LRMDA: variants seen among roughly 807,000 people sequenced by gnomAD.
LRMDA encodes leucine-rich melanocyte differentiation-associated protein.
In LRMDA, 18 loss-of-function variants were observed where a neutral mutation model predicts 29.8. That is an observed-to-expected ratio of 0.60 (90% CI 0.42 to 0.90). The LOEUF is 0.90. Among genes scored for constraint, LRMDA ranks in the 40% least tolerant of loss-of-function variants. The probability of loss-of-function intolerance (pLI) is 0.00; values close to 1 mark genes in which losing one functional copy is unlikely to be tolerated. For missense variants in LRMDA, 273 were observed against 273.9 expected, an observed-to-expected ratio of 1.00 and a Z score of 0.02; for synonymous variants, 125 against 109.4, an observed-to-expected ratio of 1.14 and a Z score of -0.89.
chr10:76,355,531 C>T (rs1051158007), intron 6 of LRMDA, among the ~76,000 whole-genome samples: 4 of 152,110 alleles, frequency 2.6e-5, no homozygotes, highest in Admixed American at 2.0e-4. Context: ...ACAAAGGACA[C>T]GTGTGTGTTA....
intron 5 of LRMDA, among the ~76,000 whole-genome samples, chr10:76,166,445 T>G (rs1477572597): frequency 6.6e-6 from 1 of 152,182 alleles, no homozygotes; most frequent in Non-Finnish European, 1.5e-5. Context: ...ATTAGTTACT[T>G]CTCCTGATCC....
intron 6 of LRMDA, among the ~76,000 whole-genome samples, chr10:76,515,306 T>C (rs1843048792): frequency 6.6e-6 from 1 of 152,182 alleles, no homozygotes; most frequent in Non-Finnish European, 1.5e-5. Flanking sequence ...TTCAGCTAAA[T>C]GTCTAGAAAA....
At chr10:75,521,491 C>A (rs182879224) in intron 2 of LRMDA, among the ~76,000 whole-genome samples, 1 of 152,182 alleles carries the variant, frequency 6.6e-6, no homozygotes, top group Admixed American at 6.5e-5. Context: ...GAGCAAGGCT[C>A]CGTGGGCGTG....
At chr10:75,952,296 G>A (rs1392416450) in intron 2 of LRMDA, among the ~76,000 whole-genome samples, 1 of 152,146 alleles carries the variant, frequency 6.6e-6, no homozygotes, top group Non-Finnish European at 1.5e-5. Context: ...ATATTGATTG[G>A]CAGTACAGTT....
Position 76,050,254 on chromosome 10 carries a change from C to T in LRMDA, c.398+2951C>T, listed in dbSNP as rs966098451. Among the ~76,000 whole-genome samples, 4 of 152,224 alleles carry T rather than the reference C, an allele frequency of 2.6e-5. No homozygotes were observed. The East Asian group carries it at 7.7e-4, about 29-fold the overall frequency. ...CGATTTATGTAGTTATTGGAAATGG[C>T]ATCACAGAGCTTGAGTTTCTGTGGA... On this transcript the variant is annotated intron_variant, in intron 4 of 6. Coordinates refer to ENST00000611255, the MANE Select transcript of LRMDA (RefSeq NM_001305581.2).
intron 2 of LRMDA, among the ~76,000 whole-genome samples, chr10:75,771,827 A>G (rs972233458): frequency 6.6e-6 from 1 of 152,074 alleles, no homozygotes; most frequent in African/African-American, 2.4e-5. Context: ...GGTGTGGGAA[A>G]GGCAGGTTGG....
chr10:76,426,225 T>A (rs1473478406), intron 6 of LRMDA, among the ~76,000 whole-genome samples: 2 of 152,276 alleles, frequency 1.3e-5, no homozygotes, highest in East Asian at 1.9e-4. Flanking sequence ...ATCAACAGTT[T>A]AAAGTGTTCC....
At chr10:76,423,797 C>A (rs1842094453) in intron 6 of LRMDA, among the ~76,000 whole-genome samples, 1 of 152,012 alleles carries the variant, frequency 6.6e-6, no homozygotes, top group African/African-American at 2.4e-5. Flanking sequence ...AACGGTGGAC[C>A]CTAATCAACC....
chr10:75,786,805 T>C (rs929079366), intron 2 of LRMDA, among the ~76,000 whole-genome samples: 2 of 152,218 alleles, frequency 1.3e-5, no homozygotes, highest in African/African-American at 4.8e-5. Context: ...TCTTTAAGAA[T>C]AGGGACCTAT....
chr10:75,724,317 A>G (rs1196269734), intron 2 of LRMDA, among the ~76,000 whole-genome samples: 1 of 152,252 alleles, frequency 6.6e-6, no homozygotes, highest in African/African-American at 2.4e-5. Context: ...GAGTGCCAGC[A>G]AAACAGGGCT....
intron 2 of LRMDA, among the ~76,000 whole-genome samples, chr10:76,015,443 C>T (rs967510622): frequency 7.2e-5 from 11 of 152,174 alleles, no homozygotes; most frequent in African/African-American, 1.2e-4. Context: ...AGACCTACCT[C>T]GGCTCCTTGC....
chr10:76,004,512 C>T (rs1847614086), intron 2 of LRMDA, among the ~76,000 whole-genome samples: 1 of 152,134 alleles, frequency 6.6e-6, no homozygotes, highest in Non-Finnish European at 1.5e-5. Context: ...TCAGAAAGAC[C>T]TGGGGAAACT....
intron 6 of LRMDA, among the ~76,000 whole-genome samples, chr10:76,336,137 T>C (rs1174429828): frequency 1.3e-5 from 2 of 150,880 alleles, no homozygotes; most frequent in African/African-American, 4.9e-5. Flanking sequence ...GGCCTTTTAC[T>C]GAAGGACATG....
intron 2 of LRMDA, among the ~76,000 whole-genome samples, chr10:75,522,900 T>C (rs1193237543): frequency 6.6e-6 from 1 of 152,224 alleles, no homozygotes; most frequent in Non-Finnish European, 1.5e-5. Context: ...GGTCTCCCCT[T>C]AGTGGTCCCC....
At chr10:76,279,749 G>A (rs1840180182) in intron 5 of LRMDA, among the ~76,000 whole-genome samples, 1 of 152,022 alleles carries the variant, frequency 6.6e-6, no homozygotes, top group Non-Finnish European at 1.5e-5. Flanking sequence ...GTTTCACCAT[G>A]TTGGCCAGTC....
chr10:76,010,529 G>A (rs937873768), intron 2 of LRMDA, among the ~76,000 whole-genome samples: 2 of 152,084 alleles, frequency 1.3e-5, no homozygotes, highest in African/African-American at 4.8e-5. Context: ...AACCAGGATG[G>A]TCTCGATCTC....
At chr10:75,495,418 G>A (rs1177645554) in intron 2 of LRMDA, among the ~76,000 whole-genome samples, 3 of 151,950 alleles carry the variant, frequency 2.0e-5, no homozygotes, top group African/African-American at 4.8e-5. Context: ...GGCATGGAGG[G>A]GACCATTTTT....
chr10:75,646,267 C>T (rs946349365), intron 2 of LRMDA, among the ~76,000 whole-genome samples: 1 of 152,072 alleles, frequency 6.6e-6, no homozygotes, highest in Non-Finnish European at 1.5e-5. Context: ...AAAGAAAATG[C>T]CTTGGCACAG....
intron 5 of LRMDA, among the ~76,000 whole-genome samples, chr10:76,263,038 G>T (rs1355072684): frequency 1.3e-5 from 2 of 152,078 alleles, no homozygotes; most frequent in Non-Finnish European, 2.9e-5. Flanking sequence ...GCATTTTGGG[G>T]AAAGTCTTCT....
Sources: gnomAD v4.1 joint callset for allele counts (sites outside exome capture counted in the v4.1 genomes callset) on GRCh38, gnomAD v4.1.1 for gene constraint, MANE v1.5 for transcripts, NCBI Gene and HGNC (gene_info 2026-07-23, HGNC 2026-07-21) for gene names.